RIN2: variants seen among roughly 807,000 people sequenced by gnomAD.
RIN2 encodes Ras and Rab interactor 2, also known as RAB5 interacting protein 2.
A neutral mutation model predicts 78.0 loss-of-function variants in RIN2; 36 were observed. The observed-to-expected ratio is 0.46, with a 90% confidence interval of 0.35 to 0.61. The LOEUF (loss-of-function observed/expected upper bound fraction) is 0.61, where lower values mean the gene tolerates loss of function less well. Ranked by LOEUF, RIN2 falls within the 20% of genes least tolerant of loss-of-function variation. The pLI is 0.00. For missense variants in RIN2, 1,087 were observed against 1,159.7 expected, an observed-to-expected ratio of 0.94 and a Z score of 0.91; for synonymous variants, 466 against 466.8, an observed-to-expected ratio of 1.00 and a Z score of 0.02.
chr20:19,874,262 T>C (rs1389129135), intron 2 of RIN2, among the ~76,000 whole-genome samples: 2 of 152,210 alleles, frequency 1.3e-5, no homozygotes, highest in African/African-American at 4.8e-5. Flanking sequence ...CATTACATAT[T>C]AAATAAGGTG....
At chr20:19,973,340 C>T (rs1445731470) in intron 8 of RIN2, among the ~76,000 whole-genome samples, 1 of 152,114 alleles carries the variant, frequency 6.6e-6, no homozygotes, top group African/African-American at 2.4e-5. Flanking sequence ...AGGAGGGATA[C>T]AGGATAGATT....
At chr20:19,788,441 A>AACAAAAACAAAAAC (rs1600457271) in intron 1 of RIN2, among the ~76,000 whole-genome samples, 1 of 148,884 alleles carries the variant, frequency 6.7e-6, no homozygotes, top group Non-Finnish European at 1.5e-5. Context: ...CCAAAAAAAA[A>AACAAAAACAAAAAC]AAAAAAAACA....
rs1724422760 is a variant in RIN2 at position 20,001,232 on chromosome 20, T to C, written c.*296T>C. On this transcript the variant is annotated 3_prime_UTR_variant, in exon 13 of 13. Coordinates refer to ENST00000255006, the MANE Select transcript of RIN2 (RefSeq NM_018993.4). ...GGTTCTAGGTTGGCTTACAGGTATG[T>C]ATATGTGCAGAAGAAACACTTAAGA... 2.7e-6 allele frequency: 1 copy of C among 363,928 alleles called. No homozygotes were observed. Among genetic ancestry groups the C allele is most frequent in the Admixed American group, 4.0e-5 (1 of 24,802 alleles). 22.5% of individuals were successfully genotyped at this position (363,928 alleles called of 1,614,324 possible).
At chr20:19,794,716 G>A (rs1202440505) in intron 1 of RIN2, among the ~76,000 whole-genome samples, 1 of 151,954 alleles carries the variant, frequency 6.6e-6, no homozygotes, top group Non-Finnish European at 1.5e-5. Context: ...TCTTCAACCT[G>A]TTATTACCTT....
chr20:19,863,846 T>C (rs1568553526), intron 2 of RIN2, among the ~76,000 whole-genome samples: 1 of 152,080 alleles, frequency 6.6e-6, no homozygotes, highest in Non-Finnish European at 1.5e-5. Context: ...TGACCATAGA[T>C]GGGAGAGGTC....
At chr20:19,921,070 C>T (rs1021062321) in intron 3 of RIN2, among the ~76,000 whole-genome samples, 3 of 152,138 alleles carry the variant, frequency 2.0e-5, no homozygotes, top group African/African-American at 2.4e-5. Context: ...TCAGGGGTGC[C>T]GCCTAAACAG....
chr20:19,899,585 G>A, intron 3 of RIN2, among the ~76,000 whole-genome samples: 1 of 152,262 alleles, frequency 6.6e-6, no homozygotes, highest in Non-Finnish European at 1.5e-5. Context: ...TATGAGATTT[G>A]GGAGGAGTTG....
intron 1 of RIN2, among the ~76,000 whole-genome samples, chr20:19,799,260 G>C (rs1416425734): frequency 6.6e-6 from 1 of 152,132 alleles, no homozygotes; most frequent in Non-Finnish European, 1.5e-5. Context: ...AGAAGATTTC[G>C]GGATCCTTTT....
intron 2 of RIN2, among the ~76,000 whole-genome samples, chr20:19,850,267 A>T (rs1251956383): frequency 5.3e-5 from 8 of 152,160 alleles, no homozygotes; most frequent in Admixed American, 5.2e-4. Context: ...TGCCCAACAC[A>T]GAATCACATG....
chr20:19,882,139 A>G (rs566715482), intron 2 of RIN2, among the ~76,000 whole-genome samples: 1 of 152,332 alleles, frequency 6.6e-6, no homozygotes, highest in African/African-American at 2.4e-5. Flanking sequence ...AGCTGTCACT[A>G]ACTACACCCA....
chr20:19,870,366 G>A (rs2037653039), intron 2 of RIN2, among the ~76,000 whole-genome samples: 1 of 152,156 alleles, frequency 6.6e-6, no homozygotes, highest in African/African-American at 2.4e-5. Flanking sequence ...GATTCCTCAG[G>A]CTAGGTGTAG....
intron 7 of RIN2, among the ~76,000 whole-genome samples, chr20:19,966,716 G>A (rs1336431740): frequency 6.6e-6 from 1 of 152,174 alleles, no homozygotes; most frequent in Non-Finnish European, 1.5e-5. Context: ...TCCAGAGGAG[G>A]AATTCAGCGC....
intron 2 of RIN2, among the ~76,000 whole-genome samples, chr20:19,820,182 C>G (rs1193595621): frequency 6.6e-6 from 1 of 152,140 alleles, no homozygotes. Context: ...TTGATTTTAA[C>G]CTTGTTTTGT....
At chr20:19,965,364 A>G (rs2045344617) in intron 7 of RIN2, among the ~76,000 whole-genome samples, 2 of 152,156 alleles carry the variant, frequency 1.3e-5, no homozygotes. Flanking sequence ...ACAGACACAC[A>G]TGCACACACA....
At chr20:19,822,593 G>C (rs769628555) in intron 2 of RIN2, among the ~76,000 whole-genome samples, 1 of 152,142 alleles carries the variant, frequency 6.6e-6, no homozygotes, top group Non-Finnish European at 1.5e-5. Flanking sequence ...CTCTGCTAAT[G>C]ACACCTATTC....
chr20:19,970,553 A>C (rs1397760814), intron 7 of RIN2, among the ~76,000 whole-genome samples: 1 of 152,180 alleles, frequency 6.6e-6, no homozygotes, highest in Non-Finnish European at 1.5e-5. Flanking sequence ...ATTCTGATGT[A>C]AACTCTACAT....
At chr20:19,990,939 A>G (rs977987554) in intron 10 of RIN2, among the ~76,000 whole-genome samples, 3 of 152,200 alleles carry the variant, frequency 2.0e-5, no homozygotes, top group Non-Finnish European at 4.4e-5. Flanking sequence ...AAGAGTTACA[A>G]TCTTGGAAAG....
rs745328547 is a variant in RIN2 at position 19,974,867 on chromosome 20, G to C, written c.842G>C (p.Ser281Thr). The change falls in exon 9 of 13, where the codon AGC becomes ACC. Residue 281 changes from serine (S) to threonine (T), a missense_variant. By Grantham distance (58) the Ser-to-Thr change is moderately conservative. Around this residue, in one of 8 missense-constraint regions of RIN2, gnomAD observed 706 missense variants for 667.5 expected, o/e 1.06. Coordinates refer to ENST00000255006, the MANE Select transcript of RIN2 (RefSeq NM_018993.4). ...FINPLFLKVH[S>T]QDLSGGLKRP... ...AATCCCCTTTTCTTGAAAGTGCACAGCCAGGACCTCAGTGGAGGCCTGAAA... is the reference window on the plus strand; with the variant it reads ...AATCCCCTTTTCTTGAAAGTGCACACCCAGGACCTCAGTGGAGGCCTGAAA... 7.4e-6 allele frequency: 12 copies of C among 1,613,904 alleles called. No homozygotes were observed. The highest frequency in any genetic ancestry group is 9.3e-6 in the Non-Finnish European group (11 of 1,179,906).
At chr20:19,888,153 C>T (rs1022504660) in intron 2 of RIN2, among the ~76,000 whole-genome samples, 2 of 152,060 alleles carry the variant, frequency 1.3e-5, no homozygotes, top group Admixed American at 6.6e-5. Context: ...GGGAAGACCC[C>T]GTCAAATCTT....
Sources: allele counts gnomAD v4.1 joint callset (sites outside exome capture counted in the v4.1 genomes callset), GRCh38; gene constraint gnomAD v4.1.1; regional missense constraint gnomAD v4.1.1; transcripts MANE v1.5; gene names NCBI Gene and HGNC (gene_info 2026-07-23, HGNC 2026-07-21).